The following PCDHGA9 variants were observed in gnomAD, a reference collection of about 807,000 sequenced individuals.
The protein encoded by PCDHGA9 is protocadherin gamma-A9.
Under a neutral mutation model 62.5 loss-of-function variants are expected in PCDHGA9, and 37 were observed. That is an observed-to-expected ratio of 0.59 (90% CI 0.46 to 0.78). PCDHGA9 has a LOEUF of 0.78. PCDHGA9 is among the 30% of genes least tolerant of loss of function. The pLI, the probability that PCDHGA9 is intolerant of heterozygous loss-of-function variation, is 0.00. For synonymous variants in PCDHGA9, 459 were observed against 484.6 expected (o/e 0.95, Z 0.69); for missense variants, 1,138 against 1,166.2 (o/e 0.98, Z 0.35).
intron 1 of PCDHGA9, among the ~76,000 whole-genome samples, chr5:141,406,273 G>C (rs1366399912): frequency 6.6e-6 from 1 of 151,898 alleles, no homozygotes; most frequent in Non-Finnish European, 1.5e-5. Context: ...TCCTGCTTCA[G>C]TTTCCCAAAG....
intron 1 of PCDHGA9, among the ~76,000 whole-genome samples, chr5:141,454,195 T>C (rs1295815862): frequency 6.6e-6 from 1 of 152,136 alleles, no homozygotes; most frequent in Admixed American, 6.6e-5. Context: ...TTAGTGAAGG[T>C]GAATTTATTG....
Position 141,405,169 on chromosome 5 carries a change from C to G in PCDHGA9, c.2217C>G (p.His739Gln), listed in dbSNP as rs377298438. 12 of 1,614,004 alleles carry G rather than the reference C, an allele frequency of 7.4e-6. No homozygotes were observed. The African/African-American group carries it at 1.6e-4, about 22-fold the overall frequency. The change falls in exon 1 of 4, where the codon CAC becomes CAG. Residue 739 changes from histidine (H) to glutamine (Q), a missense_variant. Coordinates refer to ENST00000573521, the MANE Select transcript of PCDHGA9 (RefSeq NM_018921.3). ...GGTTGGCTGGTGTGCCCACCTCACA[C>G]TTTGTGGGTGTAGATGGGGTTCGAG... ...SDGLAGVPTS[H>Q]FVGVDGVRAF...
At chr5:141,409,063 C>A (rs988950366) in intron 1 of PCDHGA9, 2 of 1,613,860 alleles carry the variant, frequency 1.2e-6, no homozygotes, top group African/African-American at 2.7e-5. Flanking sequence ...CTGCCCAGAG[C>A]ACAAAACATA....
chr5:141,437,094 G>A (rs1183502010), intron 1 of PCDHGA9, among the ~76,000 whole-genome samples: 3 of 152,126 alleles, frequency 2.0e-5, no homozygotes, highest in African/African-American at 4.8e-5. Context: ...TGAAACTAAC[G>A]GCTTAGCTTT....
chr5:141,409,177 T>A (rs1272833119), intron 1 of PCDHGA9: 1 of 1,613,944 alleles, frequency 6.2e-7, no homozygotes, highest in Non-Finnish European at 8.5e-7. Context: ...AGGACGGAGG[T>A]GGTCTCTCTA....
chr5:141,479,801 G>A (rs2099507037), intron 1 of PCDHGA9, among the ~76,000 whole-genome samples: 1 of 152,118 alleles, frequency 6.6e-6, no homozygotes, highest in Non-Finnish European at 1.5e-5. Flanking sequence ...AATTCAGGGT[G>A]GTATGCAAGG....
chr5:141,502,179 A>G (rs1403845758), intron 2 of PCDHGA9, among the ~76,000 whole-genome samples: 2 of 152,218 alleles, frequency 1.3e-5, no homozygotes, highest in Non-Finnish European at 2.9e-5. Context: ...GGAATTTAAC[A>G]TTAATACAAT....
chr5:141,414,330 G>A (rs1472752550), intron 1 of PCDHGA9: 2 of 1,613,714 alleles, frequency 1.2e-6, no homozygotes, highest in Non-Finnish European at 1.7e-6. Flanking sequence ...AGAATGGACA[G>A]GTAACCTGTT....
At chr5:141,484,075 C>G (rs1397285710) in intron 1 of PCDHGA9, among the ~76,000 whole-genome samples, 2 of 152,084 alleles carry the variant, frequency 1.3e-5, no homozygotes, top group African/African-American at 4.8e-5. Context: ...AAAGCTTGCT[C>G]TTTTGAAATG....
chr5:141,426,439 G>A, intron 1 of PCDHGA9: 1 of 302,400 alleles, frequency 3.3e-6, no homozygotes, highest in Non-Finnish European at 6.5e-6. Flanking sequence ...GAACCTTGCG[G>A]AGGACATGCG....
At chr5:141,433,205 TTTC>T in intron 1 of PCDHGA9, 1 of 1,573,264 alleles carries the variant, frequency 6.4e-7, no homozygotes, top group Non-Finnish European at 8.6e-7. Context: ...TCAAATCTTC[TTTC>T]TTTTTTTTTT....
intron 1 of PCDHGA9, chr5:141,419,206 G>A: frequency 1.9e-6 from 3 of 1,613,876 alleles, no homozygotes; most frequent in Non-Finnish European, 1.7e-6. Flanking sequence ...ATGACAACGC[G>A]CCGGTTTTCG....
intron 1 of PCDHGA9, chr5:141,428,236 G>A (rs1474911413): frequency 9.7e-7 from 1 of 1,026,978 alleles, no homozygotes; most frequent in Admixed American, 1.9e-5. Context: ...CAGCCTGCAG[G>A]AGGCACTGCC....
chr5:141,491,571 C>CT lies in PCDHGA9; in HGVS notation c.2425-3232dup. On this transcript the variant is annotated intron_variant, in intron 1 of 3. Coordinates refer to ENST00000573521, the MANE Select transcript of PCDHGA9 (RefSeq NM_018921.3). The surrounding 1 kb of genome is among the most constrained non-coding windows in gnomAD (Gnocchi z 6.9). ...CGCAGAGCCACTGCTACAGGACGTG[C>CT]TTTTCACCGGCCTCGGACGGCAGTG... 6.2e-7 allele frequency: 1 copy of CT among 1,614,026 alleles called. No homozygotes were observed. Among genetic ancestry groups the CT allele is most frequent in the Non-Finnish European group, 8.5e-7 (1 of 1,180,042 alleles).
chr5:141,410,524 T>A, intron 1 of PCDHGA9: 1 of 1,613,954 alleles, frequency 6.2e-7, no homozygotes. Context: ...TGCCCCTACA[T>A]TCCAATGAAG....
chr5:141,490,611 G>A lies in PCDHGA9; in HGVS notation c.2425-4196G>A, dbSNP rs1442281165. 1 of 1,614,052 alleles carries A rather than the reference G, an allele frequency of 6.2e-7. No homozygotes were observed. The highest frequency in any genetic ancestry group is 1.3e-5 in the African/African-American group (1 of 74,914). On this transcript the variant is annotated intron_variant, in intron 1 of 3. Coordinates refer to ENST00000573521, the MANE Select transcript of PCDHGA9 (RefSeq NM_018921.3). This position sits in a 1 kb window ranked among gnomAD's most constrained non-coding sequence, Gnocchi z 5.4. ...ACAATGCACCCCGCTTCAACCAGCA[G>A]CTTTACACTGCTTACATCCTAGAAA...
chr5:141,492,695 A>G (rs925499358), intron 1 of PCDHGA9, among the ~76,000 whole-genome samples: 14 of 152,214 alleles, frequency 9.2e-5, no homozygotes, highest in African/African-American at 3.1e-4. Context: ...CGACCCCTCA[A>G]CCCAGAAGCC....
chr5:141,471,568 A>G (rs947450908), intron 1 of PCDHGA9: 3 of 152,214 alleles, frequency 2.0e-5, no homozygotes, highest in Non-Finnish European at 2.9e-5. Context: ...CAGGGGTAGC[A>G]GTAGATAGGG....
At chr5:141,408,714 A>G (rs771519650) in intron 1 of PCDHGA9, 8 of 1,612,346 alleles carry the variant, frequency 5.0e-6, no homozygotes, top group Non-Finnish European at 6.8e-6. Context: ...AAAGATTATA[A>G]GATAAACTCT....
Sources: allele counts gnomAD v4.1 joint callset (sites outside exome capture counted in the v4.1 genomes callset), GRCh38; gene constraint gnomAD v4.1.1; non-coding constraint Gnocchi (gnomAD v3.1); transcripts MANE v1.5; gene names NCBI Gene and HGNC (gene_info 2026-07-23, HGNC 2026-07-21).